SGK1: variants seen among roughly 807,000 people sequenced by gnomAD.
SGK1 encodes the protein serum/glucocorticoid regulated kinase 1, also known as serine/threonine-protein kinase Sgk1.
In SGK1, 26 loss-of-function variants were observed where a neutral mutation model predicts 64.2. That is an observed-to-expected ratio of 0.40 (90% CI 0.30 to 0.56). The LOEUF is 0.56. SGK1 is among the 20% of genes least tolerant of loss of function. The pLI, the probability that SGK1 is intolerant of heterozygous loss-of-function variation, is 0.38. For synonymous variants in SGK1, 265 were observed against 239.7 expected, an observed-to-expected ratio of 1.11 and a Z score of -0.98; for missense variants, 519 against 645.6, an observed-to-expected ratio of 0.80 and a Z score of 2.12.
rs780432540 is a variant in SGK1, at chr6:134,174,039, T to C, written c.479A>G (p.Glu160Gly). ...AGGGTTGGCATTCATAAGCTCAGGCTCCTGAGGTTGGGAGATCTTCAAGAT... is the reference window on the plus strand; with the variant it reads ...AGGGTTGGCATTCATAAGCTCAGGCCCCTGAGGTTGGGAGATCTTCAAGAT... ...QSILKISQPQ[E>G]PELMNANPSP... The change falls in exon 5 of 14, where the codon GAG (glutamate) becomes GGG (glycine). Residue 160 changes from glutamate (E) to glycine (G), a missense_variant. By Grantham distance (98) the Glu-to-Gly change is moderately conservative. Around this residue, in one of 2 missense-constraint regions of SGK1, gnomAD observed 241 missense variants for 236.9 expected, o/e 1.02. Coordinates refer to ENST00000367858, the MANE Select transcript of SGK1 (RefSeq NM_001143676.3). The C allele has an allele frequency of 6.2e-7, 1 of 1,613,560 alleles. No homozygotes were observed. The highest frequency in any genetic ancestry group is 1.3e-5 in the African/African-American group (1 of 75,022).
At chr6:134,282,932 G>T (rs778947992) in intron 1 of SGK1, among the ~76,000 whole-genome samples, 10 of 151,746 alleles carry the variant, frequency 6.6e-5, no homozygotes, top group Non-Finnish European at 1.3e-4. Context: ...ACACTAGAAA[G>T]ATAGAGATAA....
chr6:134,247,365 G>A (rs1776540015), intron 2 of SGK1, among the ~76,000 whole-genome samples: 1 of 152,110 alleles, frequency 6.6e-6, no homozygotes, highest in Non-Finnish European at 1.5e-5. Flanking sequence ...TTGTCACATG[G>A]CCTCAGTTCA....
At chr6:134,314,347 G>T (rs1437517908) in intron 1 of SGK1, among the ~76,000 whole-genome samples, 1 of 152,072 alleles carries the variant, frequency 6.6e-6, no homozygotes, top group South Asian at 2.1e-4. Flanking sequence ...CACTTGGTTG[G>T]GGGAGGGGGG....
intron 1 of SGK1, among the ~76,000 whole-genome samples, chr6:134,305,109 A>G (rs768182377): frequency 6.6e-6 from 1 of 152,042 alleles, no homozygotes; most frequent in Non-Finnish European, 1.5e-5. Context: ...CAATCCCAAA[A>G]CACTTTGGGA....
intron 1 of SGK1, among the ~76,000 whole-genome samples, chr6:134,310,162 T>A (rs878906733): frequency 1.3e-5 from 2 of 151,846 alleles, no homozygotes; most frequent in Admixed American, 1.3e-4. Context: ...GCTCAGAATA[T>A]CTCTTACTCC....
At chr6:134,302,762 T>G (rs1259009104) in intron 1 of SGK1, among the ~76,000 whole-genome samples, 2 of 151,966 alleles carry the variant, frequency 1.3e-5, no homozygotes, top group Non-Finnish European at 2.9e-5. Flanking sequence ...TTATTATTAT[T>G]TTATTATTTT....
At chr6:134,196,703 T>C (rs1274295093) in intron 3 of SGK1, among the ~76,000 whole-genome samples, 1 of 152,180 alleles carries the variant, frequency 6.6e-6, no homozygotes, top group Non-Finnish European at 1.5e-5. Context: ...AGAATGATTG[T>C]GGTTACCTGT....
chr6:134,317,648 T>C lies in SGK1; in HGVS notation c.-188A>G. ...GCTACTGCAGCAACCTCTCCCCACT[T>C]TCAGTTGCCACCGACAGCGGCTTTT... On this transcript the variant is annotated 5_prime_UTR_variant, in exon 1 of 14. Coordinates refer to ENST00000367858, the MANE Select transcript of SGK1 (RefSeq NM_001143676.3). The C allele has an allele frequency of 1.7e-6, 1 of 602,576 alleles. No individual in the cohort carries two copies. The highest frequency in any genetic ancestry group is 2.1e-5 in the South Asian group (1 of 47,834). The allele number at this position is 602,576 out of a possible 1,614,324, so 37.3% of individuals were successfully genotyped here.
intron 2 of SGK1, among the ~76,000 whole-genome samples, chr6:134,211,938 C>T (rs905228853): frequency 3.3e-5 from 5 of 151,594 alleles, no homozygotes; most frequent in Admixed American, 3.3e-4. Flanking sequence ...GTATGAATCC[C>T]TTCTCAGGAT....
At chr6:134,261,475 C>A in intron 2 of SGK1, 1 of 266,160 alleles carries the variant, frequency 3.8e-6, no homozygotes, top group South Asian at 1.3e-4. Context: ...TCAGTGGTTG[C>A]TAGGGGTCAG....
chr6:134,208,187 T>C (rs890200177), intron 2 of SGK1, among the ~76,000 whole-genome samples: 1 of 152,136 alleles, frequency 6.6e-6, no homozygotes, highest in Non-Finnish European at 1.5e-5. Context: ...GCTGGGATTA[T>C]AAGCGTGAAC....
intron 8 of SGK1, 94 bp from the exon 9 acceptor site, chr6:134,172,868 A>G (rs2114634487): frequency 8.2e-7 from 1 of 1,214,700 alleles, no homozygotes; most frequent in Non-Finnish European, 1.2e-6. Flanking sequence ...AAGTGGCCCC[A>G]AGTAATCTAT....
At chr6:134,187,215 T>A (rs1775439237) in intron 3 of SGK1, among the ~76,000 whole-genome samples, 1 of 152,168 alleles carries the variant, frequency 6.6e-6, no homozygotes, top group Non-Finnish European at 1.5e-5. Flanking sequence ...CCTTCTTAGC[T>A]TTTTGATTCA....
intron 2 of SGK1, among the ~76,000 whole-genome samples, chr6:134,225,797 G>C (rs779025913): frequency 2.0e-5 from 3 of 151,882 alleles, no homozygotes; most frequent in Non-Finnish European, 4.4e-5. Context: ...AAAGAAAGTG[G>C]GCCAGGCATG....
intron 1 of SGK1, among the ~76,000 whole-genome samples, chr6:134,308,418 G>A (rs1025185355): frequency 6.6e-6 from 1 of 152,040 alleles, no homozygotes; most frequent in Non-Finnish European, 1.5e-5. Flanking sequence ...GCTATTTCTA[G>A]AGACTAAAAT....
intron 2 of SGK1, 53 bp downstream of exon 2, chr6:134,261,876 AAAAC>A: frequency 7.6e-7 from 1 of 1,320,814 alleles, no homozygotes. Context: ...AAATACAAGA[AAAAC>A]AAAGGCCCAG....
At chr6:134,279,502 C>A (rs1777063616) in intron 1 of SGK1, among the ~76,000 whole-genome samples, 8 of 151,540 alleles carry the variant, frequency 5.3e-5, no homozygotes, top group Admixed American at 5.3e-4. Context: ...ATTCTTGCAA[C>A]ATTATCCTTG....
intron 3 of SGK1, among the ~76,000 whole-genome samples, chr6:134,185,882 G>A (rs1775414463): frequency 6.6e-6 from 1 of 152,102 alleles, no homozygotes; most frequent in African/African-American, 2.4e-5. Context: ...GAAGAAGCAT[G>A]TATCCCAGTT....
chr6:134,187,723 T>C (rs1014489740), intron 3 of SGK1, among the ~76,000 whole-genome samples: 2 of 152,186 alleles, frequency 1.3e-5, no homozygotes, highest in Non-Finnish European at 2.9e-5. Flanking sequence ...TGTGTCTGTG[T>C]GGAATACCAT....
Sources: allele counts gnomAD v4.1 joint callset (sites outside exome capture counted in the v4.1 genomes callset), GRCh38; gene constraint gnomAD v4.1.1; regional missense constraint gnomAD v4.1.1; transcripts MANE v1.5; gene names NCBI Gene and HGNC (gene_info 2026-07-23, HGNC 2026-07-21).